Variants in LUZP2 observed in about 807,000 individuals in gnomAD.
LUZP2 encodes the protein leucine zipper protein 2.
Under a neutral mutation model 51.6 loss-of-function variants are expected in LUZP2, and 52 were observed. That is an observed-to-expected ratio of 1.01 (90% CI 0.81 to 1.27). The LOEUF (loss-of-function observed/expected upper bound fraction) is 1.27. LUZP2 is among the 50% of genes most tolerant of loss of function. The probability of loss-of-function intolerance (pLI) is 0.00; values close to 1 mark genes in which losing one functional copy is unlikely to be tolerated. For missense variants in LUZP2, 436 were observed against 395.4 expected (o/e 1.10, Z -0.87); for synonymous variants, 154 against 137.3 (o/e 1.12, Z -0.85).
chr11:24,622,499 C>T (rs887187091), intron 1 of LUZP2, among the ~76,000 whole-genome samples: 1 of 152,094 alleles, frequency 6.6e-6, no homozygotes, highest in East Asian at 1.9e-4. Flanking sequence ...GCCTGAGACA[C>T]CGCACCAGGC....
At chr11:24,723,930 C>T (rs1033801432) in intron 1 of LUZP2, among the ~76,000 whole-genome samples, 4 of 151,966 alleles carry the variant, frequency 2.6e-5, no homozygotes, top group Non-Finnish European at 4.4e-5. Flanking sequence ...TTAAATGAAT[C>T]AAGCAAAAGA....
At chr11:24,965,620 C>T (rs1022417450) in intron 7 of LUZP2, among the ~76,000 whole-genome samples, 1 of 151,786 alleles carries the variant, frequency 6.6e-6, no homozygotes, top group African/African-American at 2.4e-5. Context: ...TCTGTCTAGT[C>T]ATTAAAATGA....
chr11:24,578,645 G>T (rs1483322361), intron 1 of LUZP2, among the ~76,000 whole-genome samples: 1 of 151,806 alleles, frequency 6.6e-6, no homozygotes, highest in Non-Finnish European at 1.5e-5. Context: ...CATGGATGCA[G>T]CTGGAGGCCT....
chr11:24,517,141 A>G (rs1850490136), intron 1 of LUZP2, among the ~76,000 whole-genome samples: 1 of 152,142 alleles, frequency 6.6e-6, no homozygotes, highest in Non-Finnish European at 1.5e-5. Flanking sequence ...AAACATGAAT[A>G]AGATAATCTT....
At chr11:24,596,291 T>C (rs1476978370) in intron 1 of LUZP2, among the ~76,000 whole-genome samples, 2 of 152,162 alleles carry the variant, frequency 1.3e-5, no homozygotes, top group Non-Finnish European at 1.5e-5. Flanking sequence ...CAAATACTCA[T>C]AGATAAGAAA....
chr11:25,007,016 T>C (rs1856850660), intron 9 of LUZP2, among the ~76,000 whole-genome samples: 1 of 152,224 alleles, frequency 6.6e-6, no homozygotes, highest in Non-Finnish European at 1.5e-5. Context: ...TACAGAGTGC[T>C]GATTGGTCTG....
chr11:24,924,438 C>T (rs1452467772), intron 7 of LUZP2, among the ~76,000 whole-genome samples: 1 of 152,032 alleles, frequency 6.6e-6, no homozygotes, highest in Non-Finnish European at 1.5e-5. Context: ...CGTTCCTGCC[C>T]GTAGAATGTT....
At chr11:25,023,033 C>T (rs939018186) in intron 9 of LUZP2, among the ~76,000 whole-genome samples, 1 of 152,252 alleles carries the variant, frequency 6.6e-6, no homozygotes. Flanking sequence ...TTTTGATATG[C>T]TGCTGGATTC....
At chr11:24,598,100 CAAAA>C (rs200140320) in intron 1 of LUZP2, among the ~76,000 whole-genome samples, 1 of 100,300 alleles carries the variant, frequency 1.0e-5, no homozygotes. Flanking sequence ...GACTCTGTCT[CAAAA>C]AAAAAAAAAA....
intron 1 of LUZP2, among the ~76,000 whole-genome samples, chr11:24,715,263 ATGTGTGTG>A (rs58368050): frequency 0.03 from 3,993 of 133,924 alleles, 90 homozygotes; most frequent in African/African-American, 0.051. Flanking sequence ...AGGAGCAACT[ATGTGTGTG>A]TGTGTGTGTG....
At chr11:24,972,920 C>T (rs1346657809) in intron 7 of LUZP2, among the ~76,000 whole-genome samples, 1 of 152,006 alleles carries the variant, frequency 6.6e-6, no homozygotes, top group Non-Finnish European at 1.5e-5. Flanking sequence ...GTTTTGGTGT[C>T]AGAATGATGC....
At chr11:24,929,031 T>C (rs1854365236) in intron 7 of LUZP2, among the ~76,000 whole-genome samples, 1 of 152,080 alleles carries the variant, frequency 6.6e-6, no homozygotes, top group South Asian at 2.1e-4. Flanking sequence ...GTGTTCATAG[T>C]AGGCTTGAAT....
intron 4 of LUZP2, among the ~76,000 whole-genome samples, chr11:24,752,787 C>A (rs1859640811): frequency 1.3e-5 from 2 of 151,736 alleles, no homozygotes; most frequent in African/African-American, 4.8e-5. Flanking sequence ...GCAAAAAATT[C>A]AAGATGGCCA....
chr11:24,800,556 C>CA (rs34276453), intron 5 of LUZP2, among the ~76,000 whole-genome samples: 14,279 of 145,704 alleles, frequency 0.098, 962 homozygotes, highest in East Asian at 0.42. Context: ...AAAAAAAATA[C>CA]AAAAAAACAA....
At chr11:25,049,593 A>G (rs996574424) in intron 9 of LUZP2, among the ~76,000 whole-genome samples, 1 of 152,070 alleles carries the variant, frequency 6.6e-6, no homozygotes, top group Non-Finnish European at 1.5e-5. Context: ...ATAATCCACT[A>G]TGTATATTAT....
intron 1 of LUZP2, among the ~76,000 whole-genome samples, chr11:24,498,396 C>A (rs545131956): frequency 6.6e-6 from 1 of 151,212 alleles, no homozygotes; most frequent in East Asian, 2.0e-4. Flanking sequence ...CTGTAAAATT[C>A]TTGATTCCGT....
chr11:24,931,969 C>G (rs996975276), intron 7 of LUZP2, among the ~76,000 whole-genome samples: 3 of 152,122 alleles, frequency 2.0e-5, no homozygotes, highest in African/African-American at 7.2e-5. Flanking sequence ...GTGGTGTTCA[C>G]CTCTTCCCAT....
At chr11:24,665,910 T>A (rs1477974181) in intron 1 of LUZP2, among the ~76,000 whole-genome samples, 2 of 152,154 alleles carry the variant, frequency 1.3e-5, no homozygotes, top group Non-Finnish European at 2.9e-5. Context: ...TTATCATTTG[T>A]TAGCTCGTTT....
chr11:24,983,330 C>T (rs1236364291), intron 9 of LUZP2, 37 bp downstream of exon 9: 1 of 1,593,792 alleles, frequency 6.3e-7, no homozygotes, highest in East Asian at 2.2e-5. Flanking sequence ...AAAGTAACAG[C>T]AAGTAATGTG....
Sources: gnomAD v4.1 joint callset for allele counts (sites outside exome capture counted in the v4.1 genomes callset) on GRCh38, gnomAD v4.1.1 for gene constraint, MANE v1.5 for transcripts, NCBI Gene and HGNC (gene_info 2026-07-23, HGNC 2026-07-21) for gene names.